Variants in HIP1 observed in about 807,000 individuals in gnomAD.
The protein encoded by HIP1 is huntingtin interacting protein 1.
In HIP1, 65 loss-of-function variants were observed where a neutral mutation model predicts 147.6. The observed-to-expected ratio is 0.44, with a 90% CI of 0.36 to 0.54. The LOEUF (loss-of-function observed/expected upper bound fraction) is 0.54, where lower values mean the gene tolerates loss of function less well. HIP1 is among the 20% of genes least tolerant of loss of function. HIP1 has a pLI of 0.00. For missense variants in HIP1, 1,061 were observed against 1,299.6 expected, an observed-to-expected ratio of 0.82 and a Z score of 2.82; for synonymous variants, 479 against 504.0, an observed-to-expected ratio of 0.95 and a Z score of 0.67.
intron 1 of HIP1, among the ~76,000 whole-genome samples, chr7:75,606,418 A>G (rs182722378): frequency 1.0e-3 from 157 of 152,158 alleles, no homozygotes; most frequent in African/African-American, 3.7e-3. Flanking sequence ...CATCTCTACT[A>G]AAATACAAAA....
chr7:75,726,312 C>T (rs1374369117), intron 1 of HIP1, among the ~76,000 whole-genome samples: 4 of 149,630 alleles, frequency 2.7e-5, no homozygotes, highest in African/African-American at 9.9e-5. Context: ...GAGACGGAGT[C>T]TCGCTCTGTC....
intron 1 of HIP1, among the ~76,000 whole-genome samples, chr7:75,621,762 C>T (rs1182985542): frequency 6.6e-6 from 1 of 152,072 alleles, no homozygotes; most frequent in African/African-American, 2.4e-5. Context: ...GAAGCTAGAG[C>T]TGATGGGATT....
intron 1 of HIP1, among the ~76,000 whole-genome samples, chr7:75,676,743 T>C (rs548673532): frequency 8.1e-5 from 12 of 147,918 alleles, no homozygotes; most frequent in Non-Finnish European, 1.8e-4. Flanking sequence ...GCCATTGCAC[T>C]CCAGCCTGGG....
chr7:75,714,733 G>A (rs1801265328), intron 1 of HIP1, among the ~76,000 whole-genome samples: 2 of 152,148 alleles, frequency 1.3e-5, no homozygotes, highest in South Asian at 2.1e-4. Context: ...GATTACAGGT[G>A]TGAGCCACCG....
chr7:75,601,464 C>T (rs1269674204), intron 1 of HIP1, among the ~76,000 whole-genome samples: 1 of 151,908 alleles, frequency 6.6e-6, no homozygotes, highest in Non-Finnish European at 1.5e-5. Context: ...TGACGGGCGC[C>T]TGTAATCCCA....
chr7:75,734,792 G>A (rs1278997712), intron 1 of HIP1, among the ~76,000 whole-genome samples: 1 of 152,134 alleles, frequency 6.6e-6, no homozygotes, highest in African/African-American at 2.4e-5. Flanking sequence ...CTTTATTTAT[G>A]TTCTTCTGTC....
chr7:75,715,441 G>GGAGAGAGAGACACACACAGAGA (rs1801284744), intron 1 of HIP1, among the ~76,000 whole-genome samples: 2 of 141,570 alleles, frequency 1.4e-5, no homozygotes, highest in African/African-American at 2.7e-5. Context: ...AGGAAAGAAG[G>GGAGAGAGAGACACACACAGAGA]GAGAGAGAGA....
rs587602521 is a variant in HIP1, at chr7:75,607,237, T to G, written c.121-7990A>C. 4.1e-3 allele frequency among the ~76,000 whole-genome samples: 602 copies of G among 148,336 alleles called. 12 individuals are homozygous for G. The highest frequency in any genetic ancestry group is 0.014 in the African/African-American group (563 of 40,012). On this transcript the variant is annotated intron_variant, in intron 1 of 30. Coordinates refer to ENST00000336926, the MANE Select transcript of HIP1 (RefSeq NM_005338.7). The stretch of plus-strand genomic sequence containing the variant: ...AAAAGAGTTGTTTTTTGTTTTGTTT[T>G]TTTTTTTTTTGAGACAGAGTCTTGC...
At chr7:75,595,220 C>A (rs967399408) in intron 2 of HIP1, among the ~76,000 whole-genome samples, 4 of 92,218 alleles carry the variant, frequency 4.3e-5, no homozygotes, top group Non-Finnish European at 8.1e-5. Context: ...TTCTTTCTTT[C>A]TTTCTTTCTT....
chr7:75,536,946 T>C lies in HIP1; in HGVS notation c.*1226A>G, dbSNP rs985031458. 6 of 231,226 alleles carry C rather than the reference T, an allele frequency of 2.6e-5. No individual in the cohort carries two copies. The highest frequency in any genetic ancestry group is 5.7e-5 in the Admixed American group (1 of 17,692). The allele number at this position is 231,226 out of a possible 1,614,324, so 14.3% of individuals were successfully genotyped here. ...TAGGGTTCTTCCCTGATGGGAGCAA[T>C]TGCATCTGATCTTCCGGGTTTGTCA... On this transcript the variant is annotated 3_prime_UTR_variant, in exon 31 of 31. Transcript: ENST00000336926.
In HIP1 at chr7:75,674,807, T is replaced by C. The variant is rs369697667; in HGVS notation, c.120+63994A>G. ...TGCCAGGCCGGCTTTTTTTTTTTAA[T>C]GAGAAGCCAGCTGTTAATCTTATTA... On this transcript the variant is annotated intron_variant, in intron 1 of 30. Transcript: ENST00000336926. Among the ~76,000 whole-genome samples the C allele has an allele frequency of 2.0e-3, 297 of 151,870 alleles. 1 individual carries two copies. The highest frequency in any genetic ancestry group is 5.3e-3 in the African/African-American group (221 of 41,446).
chr7:75,618,857 T>A (rs1307029845), intron 1 of HIP1, among the ~76,000 whole-genome samples: 8 of 151,760 alleles, frequency 5.3e-5, no homozygotes, highest in Admixed American at 3.3e-4. Flanking sequence ...CATCCTTTTT[T>A]TTTTCTTCCA....
intron 14 of HIP1, among the ~76,000 whole-genome samples, 160 bp from the exon 15 acceptor site, chr7:75,558,415 C>T (rs1260825194): frequency 6.6e-6 from 1 of 152,186 alleles, no homozygotes; most frequent in African/African-American, 2.4e-5. Flanking sequence ...CTGTTCACTG[C>T]AGCCTTGACC....
At chr7:75,716,987 T>A (rs1801343835) in intron 1 of HIP1, among the ~76,000 whole-genome samples, 1 of 152,046 alleles carries the variant, frequency 6.6e-6, no homozygotes, top group African/African-American at 2.4e-5. Flanking sequence ...AGCTAATTTT[T>A]AAATTTTGTT....
At chr7:75,665,101 A>C (rs1799513655) in intron 1 of HIP1, among the ~76,000 whole-genome samples, 1 of 152,154 alleles carries the variant, frequency 6.6e-6, no homozygotes, top group Non-Finnish European at 1.5e-5. Context: ...TTCTACAAAA[A>C]AAATTTAAAA....
intron 5 of HIP1, among the ~76,000 whole-genome samples, chr7:75,584,398 G>A (rs1252961450): frequency 2.0e-5 from 3 of 152,206 alleles, no homozygotes; most frequent in East Asian, 1.9e-4. Flanking sequence ...CTCTTGTATC[G>A]CTAATTGCTA....
At chr7:75,690,192 C>T (rs780108265) in intron 1 of HIP1, among the ~76,000 whole-genome samples, 24 of 151,962 alleles carry the variant, frequency 1.6e-4, no homozygotes, top group African/African-American at 5.3e-4. Flanking sequence ...GTTGGAAGAT[C>T]GGCTGAGCAC....
intron 1 of HIP1, among the ~76,000 whole-genome samples, chr7:75,674,383 T>G (rs1316781117): frequency 6.6e-6 from 1 of 152,210 alleles, no homozygotes; most frequent in Non-Finnish European, 1.5e-5. Context: ...GAATGTTAAT[T>G]TCTCACTCAT....
intron 4 of HIP1, 127 bp downstream of exon 4, chr7:75,591,929 G>T: frequency 1.2e-6 from 1 of 804,864 alleles, no homozygotes; most frequent in Non-Finnish European, 2.2e-6. Context: ...TCCGTCTCTG[G>T]CACCCATGGG....
Sources: allele counts gnomAD v4.1 joint callset (sites outside exome capture counted in the v4.1 genomes callset), GRCh38; gene constraint gnomAD v4.1.1; transcripts MANE v1.5; gene names NCBI Gene and HGNC (gene_info 2026-07-23, HGNC 2026-07-21).